ERICH2: variants seen among roughly 807,000 people sequenced by gnomAD.
The protein encoded by ERICH2 is glutamate-rich protein 2.
A neutral mutation model predicts 17.4 loss-of-function variants in ERICH2; 17 were observed. That is an observed-to-expected ratio of 0.98 (90% CI 0.67 to 1.47). The LOEUF (loss-of-function observed/expected upper bound fraction) is 1.47, where lower values mean the gene tolerates loss of function less well. ERICH2 is among the 40% of genes most tolerant of loss of function. ERICH2 has a pLI of 0.00. For missense variants in ERICH2, 186 were observed against 183.2 expected (o/e 1.01, Z -0.09); for synonymous variants, 51 against 61.1 (o/e 0.83, Z 0.77).
chr2:170,776,064 C>T, the ERICH2 span, among the ~76,000 whole-genome samples: 1 of 151,522 alleles, frequency 6.6e-6, no homozygotes, highest in African/African-American at 2.4e-5. Context: ...CGCTCCCATA[C>T]TTGAAAAAAA....
chr2:170,791,430 T>G (rs1701284741), intron 2 of ERICH2, among the ~76,000 whole-genome samples: 1 of 151,850 alleles, frequency 6.6e-6, no homozygotes, highest in African/African-American at 2.4e-5. Flanking sequence ...GAGCATGCAT[T>G]TATCCATATT....
At chr2:170,782,509 T>G (rs1386156251), upstream of ERICH2, 1 of 252,668 alleles carries the variant, frequency 4.0e-6, no homozygotes, top group Non-Finnish European at 6.2e-6. Flanking sequence ...AATCAGTAGT[T>G]CTCCAAAGTC....
chr2:170,795,529 G>A (rs1334006830), intron 3 of ERICH2, among the ~76,000 whole-genome samples: 2 of 151,996 alleles, frequency 1.3e-5, no homozygotes, highest in Non-Finnish European at 2.9e-5. Flanking sequence ...TGTATTTTTT[G>A]TAGAGGCGGG....
chr2:170,779,913 T>A (rs147445814), upstream of ERICH2: 1,456 of 785,252 alleles, frequency 1.9e-3, 15 homozygotes, highest in African/African-American at 0.026. Context: ...ATTTTGTTTT[T>A]AGGCCCATGT....
At position 170,796,452 on chromosome 2, in the gene ERICH2, T is replaced by TC. The variant is rs1553569108; in HGVS notation, c.275-1589_275-1588insC. The stretch of plus-strand genomic sequence containing the variant: ...TGTTTTTTTTTTTGTTTTTTTTTTT[T>TC]TGAGACAGCGTCTCCCTCAGTCACT... On this transcript the variant is annotated intron_variant, in intron 3 of 4. Coordinates refer to ENST00000409885, the Ensembl canonical transcript of ERICH2. 3.3e-4 allele frequency among the ~76,000 whole-genome samples: 46 copies of TC among 138,396 alleles called. 1 individual carries two copies. Among genetic ancestry groups the TC allele is most frequent in the Middle Eastern group, 7.5e-3 (2 of 266 alleles). The allele number at this position is 138,396 out of a possible 152,430, so 90.8% of individuals were successfully genotyped here. A position where few individuals can be genotyped will look rare whatever the true frequency, so the allele number is the denominator to read the frequency against.
At chr2:170,776,567 G>A in the ERICH2 span, among the ~76,000 whole-genome samples, 2 of 151,986 alleles carry the variant, frequency 1.3e-5, no homozygotes, top group African/African-American at 2.4e-5. Context: ...TAGTAGAGAC[G>A]GGGTTTCGCC....
intron 4 of ERICH2, 70 bp from the exon 10 acceptor site, chr2:170,798,700 C>T (rs1362855885): frequency 6.5e-7 from 1 of 1,527,030 alleles, no homozygotes; most frequent in East Asian, 2.5e-5. Flanking sequence ...GAGGGAGGGG[C>T]AAGGAGAATT....
chr2:170,775,596 C>CGTCT, the ERICH2 span: 1 of 151,980 alleles, frequency 6.6e-6, no homozygotes, highest in Non-Finnish European at 1.5e-5. Flanking sequence ...TGCTTTGTTT[C>CGTCT]GTCTTTGGAG....
At chr2:170,797,996 C>G in intron 3 of ERICH2, 45 bp from the exon 9 acceptor site, 4 of 1,355,988 alleles carry the variant, frequency 2.9e-6, no homozygotes, top group Non-Finnish European at 3.1e-6. Context: ...TGCTGCAACA[C>G]TGAACGTTAA....
At chr2:170,780,382 G>GA, upstream of ERICH2, among the ~76,000 whole-genome samples, 1 of 152,274 alleles carries the variant, frequency 6.6e-6, no homozygotes, top group East Asian at 1.9e-4. Flanking sequence ...AAAGTGAACA[G>GA]AAAAGCCATT....
chr2:170,796,993 C>A (rs529188812), intron 3 of ERICH2, among the ~76,000 whole-genome samples: 1 of 152,130 alleles, frequency 6.6e-6, no homozygotes, highest in African/African-American at 2.4e-5. Flanking sequence ...TGCTAACATA[C>A]TAACAAGCCT....
At chr2:170,776,101 A>G in the ERICH2 span, among the ~76,000 whole-genome samples, 16 of 152,302 alleles carry the variant, frequency 1.1e-4, no homozygotes, top group Admixed American at 9.8e-4. Flanking sequence ...TCTCTTAACT[A>G]TGAGAATGAA....
At chr2:170,785,161 G>T (rs1701128655) in intron 2 of ERICH2, among the ~76,000 whole-genome samples, 1 of 152,130 alleles carries the variant, frequency 6.6e-6, no homozygotes, top group East Asian at 1.9e-4. Flanking sequence ...AAGTGTTTAA[G>T]ATGATGGATA....
At chr2:170,780,158 T>C (rs542121428), upstream of ERICH2, among the ~76,000 whole-genome samples, 2 of 152,178 alleles carry the variant, frequency 1.3e-5, no homozygotes, top group African/African-American at 4.8e-5. Flanking sequence ...AGAATATTAT[T>C]GCATAAAGTA....
intron 2 of ERICH2, among the ~76,000 whole-genome samples, chr2:170,786,381 C>T (rs979022777): frequency 6.6e-6 from 1 of 151,734 alleles, no homozygotes; most frequent in South Asian, 2.1e-4. Context: ...AAGAGATATC[C>T]GTTGTTCTTA....
intron 3 of ERICH2, among the ~76,000 whole-genome samples, chr2:170,797,487 T>G (rs760967972): frequency 7.9e-5 from 12 of 152,170 alleles, no homozygotes; most frequent in Non-Finnish European, 8.8e-5. Context: ...GATTGCTTTC[T>G]ATGGATAGGA....
the ERICH2 span, among the ~76,000 whole-genome samples, chr2:170,775,883 A>T: frequency 6.6e-6 from 1 of 152,064 alleles, no homozygotes; most frequent in African/African-American, 2.4e-5. Context: ...AACAATACGA[A>T]ATAATGACGC....
the ERICH2 span, chr2:170,770,975 G>GCCCCCGCCCCCGCCCCCGCCACCT: frequency 9.6e-6 from 1 of 103,918 alleles, no homozygotes; most frequent in Non-Finnish European, 2.0e-5. Context: ...GGCTGCCCCT[G>GCCCCCGCCCCCGCCCCCGCCACCT]CCCCCGCCCC....
At chr2:170,775,106 A>AG in the ERICH2 span, among the ~76,000 whole-genome samples, 1 of 140,740 alleles carries the variant, frequency 7.1e-6, no homozygotes, top group Admixed American at 7.6e-5. Flanking sequence ...CAATCCCTGA[A>AG]GATCCTAGAG....
Sources: allele counts gnomAD v4.1 joint callset (sites outside exome capture counted in the v4.1 genomes callset), GRCh38; gene constraint gnomAD v4.1.1; transcripts MANE v1.5; gene names NCBI Gene and HGNC (gene_info 2026-07-23, HGNC 2026-07-21).